Variants in RETREG1 observed in about 807,000 individuals in gnomAD.
RETREG1 encodes family with sequence similarity 134 member B.
Under a neutral mutation model 54.8 loss-of-function variants are expected in RETREG1, and 44 were observed. That is an observed-to-expected ratio of 0.80 (90% CI 0.63 to 1.03). RETREG1 has a LOEUF of 1.03. Among genes scored for constraint, RETREG1 ranks in the 50% least tolerant of loss-of-function variants. RETREG1 has a pLI of 0.00. For synonymous variants in RETREG1, 217 were observed against 238.5 expected, an observed-to-expected ratio of 0.91 and a Z score of 0.83; for missense variants, 554 against 605.1, an observed-to-expected ratio of 0.92 and a Z score of 0.89.
chr5:16,499,325 T>C (rs1025143508), intron 3 of RETREG1, among the ~76,000 whole-genome samples: 1 of 152,212 alleles, frequency 6.6e-6, no homozygotes, highest in Non-Finnish European at 1.5e-5. Flanking sequence ...GAGGGAAAGT[T>C]ATCCACCACT....
chr5:16,559,028 C>T lies in RETREG1; in HGVS notation c.458+6735G>A, dbSNP rs1255205269. Among the ~76,000 whole-genome samples, 3 of 152,174 alleles carry T rather than the reference C, an allele frequency of 2.0e-5. No individual in the cohort carries two copies. In the East Asian group the frequency reaches 5.8e-4, roughly 29 times the overall value. ...GTGTTAGACATCTCTGATTTAAATGCTCCAATTTGTTCTGGGCCTATAAGC... is the reference window on the plus strand; with the variant it reads ...GTGTTAGACATCTCTGATTTAAATGTTCCAATTTGTTCTGGGCCTATAAGC... On this transcript the variant is annotated intron_variant, in intron 3 of 8. Transcript: ENST00000306320.
At chr5:16,542,181 A>C (rs1741269477) in intron 3 of RETREG1, among the ~76,000 whole-genome samples, 2 of 152,224 alleles carry the variant, frequency 1.3e-5, no homozygotes, top group Non-Finnish European at 2.9e-5. Context: ...CACCCTCCTC[A>C]TCTCAGGCCC....
chr5:16,579,080 C>T (rs1362577571), intron 1 of RETREG1, among the ~76,000 whole-genome samples: 1 of 152,140 alleles, frequency 6.6e-6, no homozygotes, highest in African/African-American at 2.4e-5. Context: ...AGACTAGAGC[C>T]TGAATTAGAG....
chr5:16,539,310 A>G (rs1374243930), intron 3 of RETREG1, among the ~76,000 whole-genome samples: 1 of 152,154 alleles, frequency 6.6e-6, no homozygotes, highest in East Asian at 1.9e-4. Flanking sequence ...GCCAGCAGGG[A>G]AAGTCCTTAG....
intron 1 of RETREG1, among the ~76,000 whole-genome samples, chr5:16,591,328 C>A (rs549658931): frequency 8.9e-4 from 136 of 151,978 alleles, no homozygotes; most frequent in African/African-American, 3.2e-3. Context: ...GAATCAATCA[C>A]TAAAACATAA....
intron 3 of RETREG1, among the ~76,000 whole-genome samples, chr5:16,502,029 T>C (rs1739739903): frequency 6.6e-6 from 1 of 151,028 alleles, no homozygotes; most frequent in Non-Finnish European, 1.5e-5. Flanking sequence ...TGATCTCGGC[T>C]CACTGCAAGC....
In RETREG1 at chr5:16,573,865, C is replaced by T. The variant is rs758424603; in HGVS notation, c.321-1763G>A. Among the ~76,000 whole-genome samples the T allele has an allele frequency of 5.3e-5, 8 of 151,506 alleles. No individual in the cohort carries two copies. The South Asian group carries it at 1.7e-3, about 32-fold the overall frequency. ...GTTCAAGCAATTCTCCTGCCTCAGC[C>T]GCCCAAGTAGCTGGAAATATAGGTG... is the stretch of plus-strand genomic sequence containing the variant. On this transcript the variant is annotated intron_variant, in intron 1 of 8. Transcript: ENST00000306320.
At chr5:16,548,218 G>C (rs1444639000) in intron 3 of RETREG1, among the ~76,000 whole-genome samples, 1 of 152,106 alleles carries the variant, frequency 6.6e-6, no homozygotes, top group Non-Finnish European at 1.5e-5. Flanking sequence ...CCATGGCCTT[G>C]TGTGGCCAAA....
In RETREG1 at chr5:16,558,978, ATAATGTTGTGCTCAAGGATT is replaced by A. The variant is rs565221170; in HGVS notation, c.458+6765_458+6784del. Reference sequence around the variant, plus strand: ...ATGACTTTCTACTTTTAAGAGTGACATAATGTTGTGCTCAAGGATTTAATGTGTTAGACATCTCTGATTTA... The same window carrying A: ...ATGACTTTCTACTTTTAAGAGTGACATAATGTGTTAGACATCTCTGATTTA... On this transcript the variant is annotated intron_variant, in intron 3 of 8. Transcript: ENST00000306320. 2.0e-5 allele frequency among the ~76,000 whole-genome samples: 3 copies of A among 152,342 alleles called. No homozygotes were observed. The East Asian group carries it at 5.8e-4, about 29-fold the overall frequency.
chr5:16,580,221 C>CTACT (rs1742445694), intron 1 of RETREG1, among the ~76,000 whole-genome samples: 1 of 152,222 alleles, frequency 6.6e-6, no homozygotes, highest in Non-Finnish European at 1.5e-5. Context: ...CTCATCCACA[C>CTACT]TACTGATCAA....
chr5:16,547,017 C>G (rs1420897042), intron 3 of RETREG1, among the ~76,000 whole-genome samples: 1 of 152,210 alleles, frequency 6.6e-6, no homozygotes, highest in East Asian at 1.9e-4. Flanking sequence ...GAGACCTTTT[C>G]CCCATGTTCT....
In RETREG1 at chr5:16,616,926, C is replaced by A; in HGVS notation, c.46G>T (p.Ala16Ser). The part of the protein sequence containing the change: ...PPEHAEEGCP[A>S]PAAEEQAPPS... Reference sequence around the variant, plus strand: ...GGCGCCTGCTCCTCGGCGGCAGGAGCCGGGCATCCCTCCTCGGCGTGCTCC... The same window carrying A: ...GGCGCCTGCTCCTCGGCGGCAGGAGACGGGCATCCCTCCTCGGCGTGCTCC... The change falls in exon 1 of 9, where the codon GCT (alanine) becomes TCT (serine). Residue 16 changes from alanine (A) to serine (S), a missense_variant. Coordinates refer to ENST00000306320, the MANE Select transcript of RETREG1 (RefSeq NM_001034850.3). 6.8e-7 allele frequency: 1 copy of A among 1,475,680 alleles called. No homozygotes were observed. 91.4% of individuals were successfully genotyped at this position (1,475,680 alleles called of 1,614,324 possible).
At chr5:16,480,665 A>T (rs1446232421) in intron 5 of RETREG1, among the ~76,000 whole-genome samples, 3 of 152,048 alleles carry the variant, frequency 2.0e-5, no homozygotes, top group Non-Finnish European at 4.4e-5. Flanking sequence ...ATGGTATTTC[A>T]TTGTGGTTTT....
chr5:16,505,917 C>T (rs1438640376), intron 3 of RETREG1, among the ~76,000 whole-genome samples: 1 of 152,236 alleles, frequency 6.6e-6, no homozygotes, highest in African/African-American at 2.4e-5. Context: ...CATTCAGGCT[C>T]ACCCTCTCCC....
At chr5:16,528,475 C>T (rs1397271351) in intron 3 of RETREG1, among the ~76,000 whole-genome samples, 1 of 152,084 alleles carries the variant, frequency 6.6e-6, no homozygotes, top group Non-Finnish European at 1.5e-5. Context: ...ATTCCACCTG[C>T]CTGGGACAGG....
intron 8 of RETREG1, among the ~76,000 whole-genome samples, chr5:16,476,504 T>G (rs562938520): frequency 7.2e-5 from 11 of 152,242 alleles, no homozygotes; most frequent in African/African-American, 2.6e-4. Flanking sequence ...TTGTACTTAT[T>G]ATAAACAAAG....
chr5:16,605,583 G>T (rs1440057704), intron 1 of RETREG1, among the ~76,000 whole-genome samples: 1 of 152,212 alleles, frequency 6.6e-6, no homozygotes. Context: ...TATCTCATTG[G>T]GGTGAAGGCC....
chr5:16,567,510 G>A (rs1293319762), intron 2 of RETREG1, among the ~76,000 whole-genome samples: 1 of 152,228 alleles, frequency 6.6e-6, no homozygotes, highest in Non-Finnish European at 1.5e-5. Context: ...CCAGGGTGCT[G>A]AGGCCAGGCA....
intron 1 of RETREG1, among the ~76,000 whole-genome samples, chr5:16,580,639 G>A (rs1240932031): frequency 6.6e-6 from 1 of 152,178 alleles, no homozygotes; most frequent in Non-Finnish European, 1.5e-5. Flanking sequence ...CACACAGGCT[G>A]TCAGAGGGCT....
Sources: gnomAD v4.1 joint callset for allele counts (sites outside exome capture counted in the v4.1 genomes callset) on GRCh38, gnomAD v4.1.1 for gene constraint, MANE v1.5 for transcripts, NCBI Gene and HGNC (gene_info 2026-07-23, HGNC 2026-07-21) for gene names.